The following PPP2R2B variants were observed in gnomAD, a reference collection of about 807,000 sequenced individuals.
PPP2R2B encodes the protein serine/threonine-protein phosphatase 2A 55 kDa regulatory subunit B beta isoform.
Under a neutral mutation model 46.0 loss-of-function variants are expected in PPP2R2B, and 5 were observed. The observed-to-expected ratio is 0.11, with a 90% CI of 0.06 to 0.23. The LOEUF (loss-of-function observed/expected upper bound fraction) is 0.23, where lower values mean the gene tolerates loss of function less well. Among genes scored for constraint, PPP2R2B ranks in the 10% least tolerant of loss-of-function variants. The pLI is 1.00. For synonymous variants in PPP2R2B, 215 were observed against 206.7 expected (o/e 1.04, Z -0.34); for missense variants, 367 against 575.0 (o/e 0.64, Z 3.70).
At chr5:146,941,492 A>AAAATG (rs1764320962) in intron 1 of PPP2R2B, among the ~76,000 whole-genome samples, 1 of 152,182 alleles carries the variant, frequency 6.6e-6, no homozygotes, top group African/African-American at 2.4e-5. Flanking sequence ...GGGCCCTTGA[A>AAAATG]AAATGATGCT....
intron 1 of PPP2R2B, among the ~76,000 whole-genome samples, chr5:146,956,192 G>A (rs1209587192): frequency 2.0e-5 from 3 of 151,724 alleles, no homozygotes; most frequent in Non-Finnish European, 2.9e-5. Flanking sequence ...AAGAAATTAA[G>A]TGCAAAAAAC....
At chr5:146,995,199 GGTTTT>G (rs1753871828) in intron 1 of PPP2R2B, among the ~76,000 whole-genome samples, 1 of 152,080 alleles carries the variant, frequency 6.6e-6, no homozygotes, top group East Asian at 1.9e-4. Context: ...CTTCCCAGTG[GGTTTT>G]ACTTTCAAGC....
At chr5:147,027,206 A>G (rs1038805786) in intron 1 of PPP2R2B, among the ~76,000 whole-genome samples, 1 of 152,234 alleles carries the variant, frequency 6.6e-6, no homozygotes, top group East Asian at 1.9e-4. Context: ...ATCCATTTAT[A>G]TCAAGTTCTA....
At chr5:147,009,532 G>A (rs915961475) in intron 1 of PPP2R2B, among the ~76,000 whole-genome samples, 2 of 152,076 alleles carry the variant, frequency 1.3e-5, no homozygotes, top group African/African-American at 2.4e-5. Flanking sequence ...ATAAGACGAA[G>A]GATGAGGTGG....
At chr5:146,750,909 C>G (rs1753516891) in intron 2 of PPP2R2B, among the ~76,000 whole-genome samples, 1 of 152,104 alleles carries the variant, frequency 6.6e-6, no homozygotes, top group Non-Finnish European at 1.5e-5. Flanking sequence ...AAGAAGGTCC[C>G]CACCCTCAGG....
chr5:146,741,832 A>G (rs1295452658), intron 2 of PPP2R2B, among the ~76,000 whole-genome samples: 1 of 152,262 alleles, frequency 6.6e-6, no homozygotes, highest in Non-Finnish European at 1.5e-5. Context: ...AGAGTACAGT[A>G]AAAATATTCT....
intron 5 of PPP2R2B, among the ~76,000 whole-genome samples, chr5:146,651,557 CT>C (rs1161357539): frequency 6.6e-6 from 1 of 152,126 alleles, no homozygotes; most frequent in African/African-American, 2.4e-5. Context: ...ATCACTCTTC[CT>C]CCTTTGAGTT....
rs115781532 is a variant in PPP2R2B, at chr5:146,599,790, C to T, written c.960+501G>A. 2.5e-3 allele frequency among the ~76,000 whole-genome samples: 387 copies of T among 152,310 alleles called. 1 individual carries two copies. The highest frequency in any genetic ancestry group is 8.8e-3 in the African/African-American group (364 of 41,572). On this transcript the variant is annotated intron_variant, in intron 8 of 9. Transcript: ENST00000394411. ...ATTAGGTATTTCTCCTAATGCTAGTCCTCCCTGAGCCCCCCACCCTCTGAC... is the reference window on the plus strand; with the variant it reads ...ATTAGGTATTTCTCCTAATGCTAGTTCTCCCTGAGCCCCCCACCCTCTGAC...
chr5:146,715,796 C>G (rs988612317), intron 2 of PPP2R2B, among the ~76,000 whole-genome samples: 11 of 152,072 alleles, frequency 7.2e-5, no homozygotes, highest in Admixed American at 7.2e-4. Flanking sequence ...TGTTCCTATT[C>G]TCTTCTGTAT....
chr5:146,673,508 A>T (rs1777506523), intron 5 of PPP2R2B, among the ~76,000 whole-genome samples: 2 of 152,076 alleles, frequency 1.3e-5, no homozygotes, highest in South Asian at 4.1e-4. Context: ...CTACTAGAAA[A>T]TAGACATAAA....
At chr5:146,597,672 A>C (rs890213432) in intron 8 of PPP2R2B, among the ~76,000 whole-genome samples, 1 of 152,212 alleles carries the variant, frequency 6.6e-6, no homozygotes. Context: ...ATAGATTTCA[A>C]GTGGATCCCT....
At chr5:146,718,196 A>G (rs1455740439) in intron 2 of PPP2R2B, among the ~76,000 whole-genome samples, 1 of 151,978 alleles carries the variant, frequency 6.6e-6, no homozygotes. Flanking sequence ...TTGTTCAAGG[A>G]AAGTATGGTT....
chr5:147,072,160 A>G (rs780623934), intron 2 of PPP2R2B, among the ~76,000 whole-genome samples: 2 of 152,200 alleles, frequency 1.3e-5, no homozygotes, highest in Non-Finnish European at 2.9e-5. Flanking sequence ...CCTCATATCT[A>G]TGAAGAAAAT....
chr5:146,682,870 GATA>G (rs1186467838), intron 5 of PPP2R2B, among the ~76,000 whole-genome samples: 2 of 152,142 alleles, frequency 1.3e-5, no homozygotes, highest in Middle Eastern at 3.2e-3. Flanking sequence ...ACCACATTTT[GATA>G]ATAATGTTGT....
At chr5:146,864,208 T>C (rs1215329042) in intron 2 of PPP2R2B, among the ~76,000 whole-genome samples, 1 of 152,000 alleles carries the variant, frequency 6.6e-6, no homozygotes, top group Non-Finnish European at 1.5e-5. Context: ...AAAATTATGG[T>C]TCAACTATAG....
At chr5:146,703,009 C>T (rs1288197840) in intron 2 of PPP2R2B, among the ~76,000 whole-genome samples, 5 of 152,200 alleles carry the variant, frequency 3.3e-5, no homozygotes, top group Admixed American at 1.3e-4. Context: ...TATTTGACCA[C>T]TTTCCTTTGT....
chr5:146,685,186 T>C (rs1778415247), intron 5 of PPP2R2B, among the ~76,000 whole-genome samples: 1 of 150,086 alleles, frequency 6.7e-6, no homozygotes, highest in Non-Finnish European at 1.5e-5. Context: ...ATGCCATAAA[T>C]AGTCCTAATA....
chr5:146,781,159 TATATATATATATATATAA>T (rs1370958387), intron 2 of PPP2R2B, among the ~76,000 whole-genome samples: 2 of 110,126 alleles, frequency 1.8e-5, no homozygotes, highest in African/African-American at 8.4e-5. Context: ...TATATATATA[TATATATATATATATATAA>T]AATTATTCTC....
chr5:146,858,271 G>A (rs534153297), intron 2 of PPP2R2B, among the ~76,000 whole-genome samples: 1 of 152,206 alleles, frequency 6.6e-6, no homozygotes, highest in East Asian at 1.9e-4. Flanking sequence ...CTAAACTCTA[G>A]GGTTGGGAGG....
Sources: allele counts gnomAD v4.1 joint callset (sites outside exome capture counted in the v4.1 genomes callset), GRCh38; gene constraint gnomAD v4.1.1; transcripts MANE v1.5; gene names NCBI Gene and HGNC (gene_info 2026-07-23, HGNC 2026-07-21).